The following ARHGAP10 variants were observed in gnomAD, a reference collection of about 807,000 sequenced individuals.
The protein encoded by ARHGAP10 is rho GTPase-activating protein 10.
A neutral mutation model predicts 108.6 loss-of-function variants in ARHGAP10; 87 were observed. The ratio of observed to expected loss-of-function variants is 0.80; its 90% CI spans 0.67 to 0.96. The LOEUF (loss-of-function observed/expected upper bound fraction) is 0.96. ARHGAP10 is among the 40% of genes least tolerant of loss of function. The pLI is 0.00. For missense variants in ARHGAP10, 939 were observed against 954.5 expected (o/e 0.98, Z 0.21); for synonymous variants, 347 against 341.1 (o/e 1.02, Z -0.19).
At chr4:147,784,554 T>C (rs1430372727) in intron 1 of ARHGAP10, among the ~76,000 whole-genome samples, 1 of 116,960 alleles carries the variant, frequency 8.5e-6, no homozygotes, top group African/African-American at 3.5e-5. Context: ...TAGTATATAT[T>C]ATATATATTA....
At chr4:147,968,940 A>G (rs1440124737) in intron 18 of ARHGAP10, among the ~76,000 whole-genome samples, 3 of 152,242 alleles carry the variant, frequency 2.0e-5, no homozygotes, top group Non-Finnish European at 2.9e-5. Context: ...AACGTACCCC[A>G]GTCTAATATG....
intron 3 of ARHGAP10, among the ~76,000 whole-genome samples, chr4:147,837,329 C>T (rs192004204): frequency 1.5e-4 from 23 of 152,278 alleles, no homozygotes; most frequent in African/African-American, 4.6e-4. Context: ...ATTGTTTATA[C>T]GGTTCTGAAA....
intron 5 of ARHGAP10, chr4:147,863,772 A>G (rs1292418573): frequency 6.6e-6 from 1 of 152,226 alleles, no homozygotes; most frequent in Non-Finnish European, 1.5e-5. Context: ...AGAAATGTTC[A>G]TGTTAGCTTA....
chr4:148,045,853 G>T (rs1370623071), intron 19 of ARHGAP10, among the ~76,000 whole-genome samples: 1 of 151,924 alleles, frequency 6.6e-6, no homozygotes, highest in South Asian at 2.1e-4. Flanking sequence ...TGGGAGTGAG[G>T]AAACGTGAAG....
At position 147,904,475 on chromosome 4, in the gene ARHGAP10, A is replaced by T. The variant is rs188611638; in HGVS notation, c.1035-2163A>T. On this transcript the variant is annotated intron_variant, in intron 10 of 22. Transcript: ENST00000336498. Reference sequence around the variant, plus strand: ...TCAGTTCCCACCTATGAGTGAGAACATGCAGTGTTTGGTTTTTTGTCCTTG... The same window carrying T: ...TCAGTTCCCACCTATGAGTGAGAACTTGCAGTGTTTGGTTTTTTGTCCTTG... Among the ~76,000 whole-genome samples, 220 of 151,342 alleles carry T rather than the reference A, an allele frequency of 1.5e-3. 1 individual carries two copies. In the East Asian group the frequency reaches 0.02, roughly 14 times the overall value.
intron 1 of ARHGAP10, among the ~76,000 whole-genome samples, chr4:147,761,327 ATAGAGT>A (rs1256686341): frequency 6.6e-6 from 1 of 152,168 alleles, no homozygotes; most frequent in Non-Finnish European, 1.5e-5. Flanking sequence ...TAATCTCTAT[ATAGAGT>A]TAAATTTGTT....
intron 1 of ARHGAP10, among the ~76,000 whole-genome samples, chr4:147,769,037 C>T (rs1729961165): frequency 1.3e-5 from 2 of 151,970 alleles, no homozygotes; most frequent in Non-Finnish European, 2.9e-5. Context: ...TGCGTCCAGC[C>T]TTCATTCAGC....
chr4:147,981,517 G>C (rs953139635), intron 18 of ARHGAP10, among the ~76,000 whole-genome samples: 7 of 152,188 alleles, frequency 4.6e-5, no homozygotes, highest in African/African-American at 7.2e-5. Context: ...GTGCAGATGA[G>C]GAGAATGACT....
chr4:147,820,308 G>A (rs1374760643), intron 1 of ARHGAP10, among the ~76,000 whole-genome samples: 1 of 152,098 alleles, frequency 6.6e-6, no homozygotes, highest in Admixed American at 6.6e-5. Flanking sequence ...ATTATTTTGA[G>A]ACAGTCTCAT....
chr4:147,900,586 T>G (rs1736197242), intron 10 of ARHGAP10, among the ~76,000 whole-genome samples: 1 of 152,148 alleles, frequency 6.6e-6, no homozygotes, highest in Non-Finnish European at 1.5e-5. Flanking sequence ...GTACTCAGAT[T>G]GTAGTGTGGT....
chr4:148,059,973 T>TGAGA (rs145893430), intron 20 of ARHGAP10, among the ~76,000 whole-genome samples: 2,995 of 146,108 alleles, frequency 0.02, 36 homozygotes, highest in Non-Finnish European at 0.031. Flanking sequence ...GCCCACTCTT[T>TGAGA]GAGAGAGAGA....
At chr4:148,069,810 C>T (rs969986371) in intron 22 of ARHGAP10, among the ~76,000 whole-genome samples, 3 of 152,264 alleles carry the variant, frequency 2.0e-5, no homozygotes, top group South Asian at 4.1e-4. Context: ...GGGCCCCTTG[C>T]CACTCAGGCC....
rs113858796 is a variant in ARHGAP10, at chr4:148,007,913, C to T, written c.1717-15350C>T. ...CGGTCACAGTCTTCGGAGACACTTC[C>T]GTTTCTCAGTAATTCTCTTACTGCA... On this transcript the variant is annotated intron_variant, in intron 18 of 22. Transcript: ENST00000336498. Among the ~76,000 whole-genome samples the T allele has an allele frequency of 1.4e-4, 21 of 152,222 alleles. 1 individual carries two copies. The highest frequency in any genetic ancestry group is 5.1e-4 in the African/African-American group (21 of 41,554).
At chr4:147,961,473 G>A (rs1287857005) in intron 16 of ARHGAP10, among the ~76,000 whole-genome samples, 1 of 151,914 alleles carries the variant, frequency 6.6e-6, no homozygotes, top group Non-Finnish European at 1.5e-5. Flanking sequence ...CAGATATTTA[G>A]TACTTTGTAC....
At chr4:147,989,263 T>A (rs1300098544) in intron 18 of ARHGAP10, among the ~76,000 whole-genome samples, 1 of 152,164 alleles carries the variant, frequency 6.6e-6, no homozygotes, top group Non-Finnish European at 1.5e-5. Context: ...ACAAGGCAAG[T>A]GGAGGCAGGG....
chr4:147,796,013 A>G (rs1731305395), intron 1 of ARHGAP10, among the ~76,000 whole-genome samples: 1 of 152,104 alleles, frequency 6.6e-6, no homozygotes, highest in Non-Finnish European at 1.5e-5. Context: ...TGACCTTTAC[A>G]ATATTATGTT....
chr4:147,970,221 G>A (rs1408807531), intron 18 of ARHGAP10, among the ~76,000 whole-genome samples: 3 of 152,134 alleles, frequency 2.0e-5, no homozygotes, highest in South Asian at 4.1e-4. Context: ...ATATGGATGC[G>A]TGGATCTATG....
intron 17 of ARHGAP10, among the ~76,000 whole-genome samples, chr4:147,966,067 T>C (rs1194797008): frequency 1.3e-5 from 2 of 152,234 alleles, no homozygotes; most frequent in African/African-American, 2.4e-5. Context: ...GATACTGGGC[T>C]GAAAGAGTGA....
chr4:147,947,593 G>A (rs536325122), intron 15 of ARHGAP10, among the ~76,000 whole-genome samples: 38 of 151,930 alleles, frequency 2.5e-4, no homozygotes, highest in African/African-American at 7.0e-4. Context: ...AGTAGAGGTG[G>A]GGTTTCGCCA....
Sources: gnomAD v4.1 joint callset for allele counts (sites outside exome capture counted in the v4.1 genomes callset) on GRCh38, gnomAD v4.1.1 for gene constraint, MANE v1.5 for transcripts, NCBI Gene and HGNC (gene_info 2026-07-23, HGNC 2026-07-21) for gene names.